The following GPC6 variants were observed in gnomAD, a reference collection of about 807,000 sequenced individuals.
GPC6 encodes the protein glypican 6, also known as glypican-6.
In GPC6, 14 loss-of-function variants were observed where a neutral mutation model predicts 55.2. The ratio of observed to expected loss-of-function variants is 0.25; its 90% confidence interval spans 0.17 to 0.40. The LOEUF (loss-of-function observed/expected upper bound fraction) is 0.40, where lower values mean the gene tolerates loss of function less well. Among genes scored for constraint, GPC6 ranks in the 10% least tolerant of loss-of-function variants. The pLI, the probability that GPC6 is intolerant of heterozygous loss-of-function variation, is 1.00. For missense variants in GPC6, 641 were observed against 708.5 expected (o/e 0.90, Z 1.08); for synonymous variants, 278 against 259.6 (o/e 1.07, Z -0.68).
intron 2 of GPC6, among the ~76,000 whole-genome samples, chr13:93,703,428 A>G (rs1882741811): frequency 2.0e-5 from 3 of 152,032 alleles, no homozygotes; most frequent in Admixed American, 6.6e-5. Flanking sequence ...CACAGAGATG[A>G]GACATGAATC....
At position 93,568,513 on chromosome 13, in the gene GPC6, G is replaced by A. The variant is rs571144309; in HGVS notation, c.319+23092G>A. Among the ~76,000 whole-genome samples the A allele has an allele frequency of 1.8e-4, 27 of 152,202 alleles. 1 individual carries two copies. In the South Asian group the frequency reaches 5.0e-3, roughly 28 times the overall value. On this transcript the variant is annotated intron_variant, in intron 2 of 8. Coordinates refer to ENST00000377047, the MANE Select transcript of GPC6 (RefSeq NM_005708.5). ...GGGAAGAGAAAGACAGAATTTATGC[G>A]ACTGTTCTATACACATACCATGAGG...
At chr13:93,489,239 A>G (rs1879856520) in intron 1 of GPC6, among the ~76,000 whole-genome samples, 1 of 151,436 alleles carries the variant, frequency 6.6e-6, no homozygotes, top group Non-Finnish European at 1.5e-5. Context: ...TCCTTTCCCT[A>G]TTTCTTGCTT....
intron 4 of GPC6, among the ~76,000 whole-genome samples, chr13:94,167,053 G>A (rs1333258): frequency 0.2 from 30,021 of 151,976 alleles, 3,587 homozygotes; most frequent in African/African-American, 0.33. Context: ...TCTCTTTATC[G>A]AGAGTTAGGT....
intron 1 of GPC6, among the ~76,000 whole-genome samples, chr13:93,302,925 C>T (rs1878731527): frequency 6.6e-6 from 1 of 152,104 alleles, no homozygotes; most frequent in Admixed American, 6.5e-5. Flanking sequence ...AGGAGATTTG[C>T]AAACATAAGC....
intron 6 of GPC6, among the ~76,000 whole-genome samples, chr13:94,369,094 A>G (rs1184772351): frequency 6.6e-6 from 1 of 152,208 alleles, no homozygotes; most frequent in Non-Finnish European, 1.5e-5. Context: ...TTCAATATTT[A>G]TTATTTAGAG....
chr13:93,772,445 T>C (rs1287230103), intron 2 of GPC6, among the ~76,000 whole-genome samples: 3 of 151,612 alleles, frequency 2.0e-5, no homozygotes, highest in African/African-American at 7.3e-5. Flanking sequence ...TTACATGGAG[T>C]TTTCAAGGAT....
At chr13:93,866,493 A>G (rs775760898) in intron 3 of GPC6, among the ~76,000 whole-genome samples, 2 of 151,848 alleles carry the variant, frequency 1.3e-5, no homozygotes, top group Admixed American at 6.6e-5. Context: ...GATAGACTGA[A>G]AAAAGAAAAC....
chr13:93,873,713 G>A (rs1044608380), intron 3 of GPC6, among the ~76,000 whole-genome samples: 8 of 151,876 alleles, frequency 5.3e-5, no homozygotes, highest in Non-Finnish European at 7.4e-5. Flanking sequence ...TGAATACAAC[G>A]TATTATTATA....
At chr13:93,225,093 T>C (rs1277816791), upstream of GPC6, among the ~76,000 whole-genome samples, 1 of 152,200 alleles carries the variant, frequency 6.6e-6, no homozygotes, top group East Asian at 1.9e-4. Context: ...TTTACCTCCA[T>C]TTAAAATAAT....
intron 1 of GPC6, among the ~76,000 whole-genome samples, chr13:93,461,516 A>G (rs904605434): frequency 6.6e-6 from 1 of 152,212 alleles, no homozygotes; most frequent in Non-Finnish European, 1.5e-5. Context: ...CTGTTTCACT[A>G]TATAAGTATA....
In GPC6 at chr13:93,645,129, C is replaced by T. The variant is rs553760100; in HGVS notation, c.319+99708C>T. ...GAAGGGCATAGCCCCAGGGCCTGGCCGTCCTGCAAGGACCAAAGGAAAGAA... is the reference window on the plus strand; with the variant it reads ...GAAGGGCATAGCCCCAGGGCCTGGCTGTCCTGCAAGGACCAAAGGAAAGAA... On this transcript the variant is annotated intron_variant, in intron 2 of 8. Coordinates refer to ENST00000377047, the MANE Select transcript of GPC6 (RefSeq NM_005708.5). Among the ~76,000 whole-genome samples, 10 of 152,130 alleles carry T rather than the reference C, an allele frequency of 6.6e-5. No individual in the cohort carries two copies. The South Asian group carries it at 1.7e-3, about 25-fold the overall frequency.
At chr13:93,526,112 T>C (rs7981908) in intron 1 of GPC6, among the ~76,000 whole-genome samples, 8,687 of 152,170 alleles carry the variant, frequency 0.057, 809 homozygotes, top group African/African-American at 0.2. Flanking sequence ...TTAAATATTC[T>C]GTCCCATACT....
rs139955112 is a variant in GPC6 at position 94,084,013 on chromosome 13, A to G, written c.877+56119A>G. On this transcript the variant is annotated intron_variant, in intron 4 of 8. Coordinates refer to ENST00000377047, the MANE Select transcript of GPC6 (RefSeq NM_005708.5). ...TTATCCAAACGAAAATGGCTTTCCC[A>G]TTCATTACCAATGACTTGAACCTCA... Among the ~76,000 whole-genome samples, 391 of 152,336 alleles carry G rather than the reference A, an allele frequency of 2.6e-3. 1 individual carries two copies. The highest frequency in any genetic ancestry group is 9.1e-3 in the African/African-American group (379 of 41,582).
At chr13:93,467,216 T>C (rs1053392761) in intron 1 of GPC6, among the ~76,000 whole-genome samples, 3 of 152,228 alleles carry the variant, frequency 2.0e-5, no homozygotes, top group Admixed American at 6.5e-5. Context: ...ATAAAAGTGG[T>C]ACACCAACCA....
At chr13:93,661,269 A>G (rs182441860) in intron 2 of GPC6, among the ~76,000 whole-genome samples, 1 of 152,188 alleles carries the variant, frequency 6.6e-6, no homozygotes, top group African/African-American at 2.4e-5. Flanking sequence ...GCTGGAGTGC[A>G]GTGAAGCAAT....
At chr13:93,590,296 T>A (rs1877400934) in intron 2 of GPC6, among the ~76,000 whole-genome samples, 1 of 152,196 alleles carries the variant, frequency 6.6e-6, no homozygotes, top group African/African-American at 2.4e-5. Flanking sequence ...AGCTAAATAG[T>A]CAGTTCATGT....
chr13:93,833,243 C>G (rs7317345), intron 3 of GPC6, among the ~76,000 whole-genome samples: 5,140 of 151,032 alleles, frequency 0.034, 280 homozygotes, highest in African/African-American at 0.12. Flanking sequence ...AAGTATTTTA[C>G]CAATGAACTT....
At chr13:94,201,582 T>G (rs1889751392) in intron 4 of GPC6, among the ~76,000 whole-genome samples, 1 of 152,144 alleles carries the variant, frequency 6.6e-6, no homozygotes, top group South Asian at 2.1e-4. Context: ...AACAAATATA[T>G]GTCATGATCA....
chr13:93,643,634 G>A (rs1459791563), intron 2 of GPC6, among the ~76,000 whole-genome samples: 2 of 152,064 alleles, frequency 1.3e-5, no homozygotes, highest in African/African-American at 4.8e-5. Context: ...TTCTTTCCTG[G>A]TAAGGGGAAA....
Sources: gnomAD v4.1 joint callset for allele counts (sites outside exome capture counted in the v4.1 genomes callset) on GRCh38, gnomAD v4.1.1 for gene constraint, MANE v1.5 for transcripts, NCBI Gene and HGNC (gene_info 2026-07-23, HGNC 2026-07-21) for gene names.